SP2: variants seen among roughly 807,000 people sequenced by gnomAD.
The protein encoded by SP2 is Sp2 transcription factor.
SP2 carries 9 observed loss-of-function variants against 50.1 expected under a neutral mutation model. That is an observed-to-expected ratio of 0.18 (90% CI 0.11 to 0.31). SP2 has a LOEUF of 0.31. SP2 is among the 10% of genes least tolerant of loss of function. The pLI is 1.00. For missense variants in SP2, 581 were observed against 806.5 expected (o/e 0.72, Z 3.39); for synonymous variants, 313 against 326.6 (o/e 0.96, Z 0.45).
intron 1 of SP2, chr17:47,909,730 G>A (rs2034906115): frequency 1.0e-6 from 1 of 978,900 alleles, no homozygotes; most frequent in Non-Finnish European, 1.2e-6. Context: ...ATCTCATTTA[G>A]GTATGGAGCC....
rs754352270 is a variant in SP2, at chr17:47,916,262, C to A, written c.191C>A (p.Pro64Gln). Residue 64 changes from proline to glutamine, a missense_variant, in exon 3 of 7, where the codon CCG becomes CAG. Physicochemically the swap from Pro to Gln is moderately conservative, Grantham distance 76 (BLOSUM62 -1). Coordinates refer to ENST00000376741, the MANE Select transcript of SP2 (RefSeq NM_003110.6). The surrounding 1 kb of genome is among the most constrained non-coding windows in gnomAD (Gnocchi z 4.7). ...CCTCCTGCTCCCCCACAGCCCACAC[C>A]GCGGAAACTTGTCCCTATCAAACCT... ...VTPPAPPQPT[P>Q]RKLVPIKPAP... 37 of 1,614,014 alleles carry A rather than the reference C, an allele frequency of 2.3e-5. No homozygotes were observed. The highest frequency in any genetic ancestry group is 3.1e-5 in the Non-Finnish European group (36 of 1,180,040).
At chr17:47,908,556 A>G (rs546209311) in intron 1 of SP2, 3 of 152,246 alleles carry the variant, frequency 2.0e-5, no homozygotes, top group African/African-American at 7.2e-5. Context: ...CCAGTGAATA[A>G]AAATCTTTTT....
intron 1 of SP2, among the ~76,000 whole-genome samples, chr17:47,902,151 G>A (rs2034568041): frequency 2.0e-5 from 3 of 152,086 alleles, no homozygotes; most frequent in Admixed American, 2.0e-4. Flanking sequence ...TCTATCTGGG[G>A]TGAGGGGAGG....
chr17:47,927,956 C>T lies in SP2; in HGVS notation c.*132C>T, dbSNP rs1055751090. On this transcript the variant is annotated 3_prime_UTR_variant, in exon 7 of 7. Transcript: ENST00000376741. Reference sequence around the variant, plus strand: ...CACTCCTGTTCTGCAACTGTCCCCACAGGAAGGGGCTCTGTTCCCTGTATT... The same window carrying T: ...CACTCCTGTTCTGCAACTGTCCCCATAGGAAGGGGCTCTGTTCCCTGTATT... 9 of 644,782 alleles carry T rather than the reference C, an allele frequency of 1.4e-5. No homozygotes were observed. The highest frequency in any genetic ancestry group is 2.3e-5 in the Non-Finnish European group (8 of 353,312). 39.9% of individuals were successfully genotyped at this position (644,782 alleles called of 1,614,324 possible). A position where few individuals can be genotyped will look rare whatever the true frequency, so the allele number is the denominator to read the frequency against.
In SP2 at chr17:47,915,360, A is replaced by T; in HGVS notation, c.56A>T (p.Tyr19Phe). 1.2e-6 allele frequency: 2 copies of T among 1,613,476 alleles called. No homozygotes were observed. Among genetic ancestry groups the T allele is most frequent in the Non-Finnish European group, 1.7e-6 (2 of 1,179,684 alleles). The change falls in exon 2 of 7, where the codon TAC becomes TTC. Residue 19 changes from tyrosine (Y) to phenylalanine (F), a missense_variant. This residue lies in a region of SP2 where 397 missense variants were observed against 491.0 expected (regional missense o/e 0.81). Coordinates refer to ENST00000376741, the MANE Select transcript of SP2 (RefSeq NM_003110.6). ...ACTGCTGCTGTGAGTCCCAGTGACTACCTGCAGCCTGCCGCCTCCACCACC... is the reference window on the plus strand; with the variant it reads ...ACTGCTGCTGTGAGTCCCAGTGACTTCCTGCAGCCTGCCGCCTCCACCACC... ...AATAAVSPSD[Y>F]LQPAASTTQD... is the part of the protein sequence containing the mutation.
intron 1 of SP2, among the ~76,000 whole-genome samples, 184 bp from the exon 2 acceptor site, chr17:47,915,128 G>A (rs1204666154): frequency 1.3e-5 from 2 of 151,776 alleles, no homozygotes; most frequent in Admixed American, 1.3e-4. Context: ...CAGGAGAATT[G>A]CTTGAACTTG....
chr17:47,916,731 G>A lies in SP2; in HGVS notation c.660G>A (p.Val220=), dbSNP rs2035220791. 2 of 1,612,932 alleles carry A rather than the reference G, an allele frequency of 1.2e-6. No individual in the cohort carries two copies. Among genetic ancestry groups the A allele is most frequent in the South Asian group, 2.2e-5 (2 of 91,012 alleles). ...TCACTCTGCCCGTCAACAACCTTGTGAACGCCAGTGACACCGGGGCCCCTA... is the reference window on the plus strand; with the variant it reads ...TCACTCTGCCCGTCAACAACCTTGTAAACGCCAGTGACACCGGGGCCCCTA... ...VTLTLPVNNL[V]NASDTGAPTQ... The change falls in exon 3 of 7, where the codon GTG becomes GTA. Residue 220 remains valine, a synonymous_variant. Coordinates refer to ENST00000376741, the MANE Select transcript of SP2 (RefSeq NM_003110.6). The surrounding 1 kb of genome is among the most constrained non-coding windows in gnomAD (Gnocchi z 4.7).
intron 1 of SP2, among the ~76,000 whole-genome samples, chr17:47,902,014 G>A (rs1567687644): frequency 6.6e-6 from 1 of 152,104 alleles, no homozygotes; most frequent in Non-Finnish European, 1.5e-5. Context: ...AAGTGCTAAG[G>A]AGGCAAAATG....
intron 1 of SP2, among the ~76,000 whole-genome samples, chr17:47,896,503 G>A (rs1388699421): frequency 6.6e-6 from 1 of 152,046 alleles, no homozygotes; most frequent in Admixed American, 6.5e-5. Flanking sequence ...ACCCGGAAGG[G>A]GGCGTTCGAC....
rs2034392809 is a variant in SP2 at position 47,897,626 on chromosome 17, T to C, written c.7+1333T>C. Among the ~76,000 whole-genome samples, 4 of 152,328 alleles carry C rather than the reference T, an allele frequency of 2.6e-5. No individual in the cohort carries two copies. The South Asian group carries it at 8.3e-4, about 32-fold the overall frequency. On this transcript the variant is annotated intron_variant, in intron 1 of 6. Transcript: ENST00000376741. Reference sequence around the variant, plus strand: ...GTGGAGGGCTGTATTGAGTTGGTATTCTGGATGATACAATTTTTAGGGCTA... The same window carrying C: ...GTGGAGGGCTGTATTGAGTTGGTATCCTGGATGATACAATTTTTAGGGCTA...
intron 6 of SP2, among the ~76,000 whole-genome samples, chr17:47,925,904 C>CATTTTT (rs1567704810): frequency 6.2e-4 from 74 of 119,450 alleles, no homozygotes; most frequent in African/African-American, 2.1e-3. Context: ...TTTGTTTATG[C>CATTTTT]CTTTTTTTTT....
chr17:47,896,474 T>A (rs2034335940), intron 1 of SP2, 181 bp downstream of exon 1: 3 of 487,472 alleles, frequency 6.2e-6, no homozygotes, highest in Non-Finnish European at 9.7e-6. Context: ...GGAGCGGGGC[T>A]GGCCAGCCGG....
rs1373182565 is a variant in SP2 at position 47,916,342 on chromosome 17, G to A, written c.271G>A (p.Gly91Arg). Residue 91 changes from glycine to arginine, a missense_variant, in exon 3 of 7, where the codon GGA becomes AGA. This residue lies in a region of SP2 where 397 missense variants were observed against 491.0 expected (regional missense o/e 0.81). Transcript: ENST00000376741. The surrounding 1 kb of genome is among the most constrained non-coding windows in gnomAD (Gnocchi z 4.7). Reference sequence around the variant, plus strand: ...TAGCTTTGGAATCTTGTCCTCCAAAGGAAATATACTTCAGATTCAGGGGTC... The same window carrying A: ...TAGCTTTGGAATCTTGTCCTCCAAAAGAAATATACTTCAGATTCAGGGGTC... Reference protein sequence around the residue: ...KNSFGILSSKGNILQIQGSQL... With the variant: ...KNSFGILSSKRNILQIQGSQL... 2.5e-6 allele frequency: 4 copies of A among 1,613,988 alleles called. No individual in the cohort carries two copies. The African/African-American group carries it at 4.0e-5, about 16-fold the overall frequency.
Position 47,924,989 on chromosome 17 carries a change from G to C in SP2, c.1443G>C (p.Gln481His), listed in dbSNP as rs770325121. 2 of 1,614,190 alleles carry C rather than the reference G, an allele frequency of 1.2e-6. No homozygotes were observed. Among genetic ancestry groups the C allele is most frequent in the East Asian group, 4.5e-5 (2 of 44,886 alleles). The change falls in exon 5 of 7, where the codon CAG (glutamine) becomes CAC (histidine). Residue 481 changes from glutamine to histidine, a missense_variant. This residue lies in a region of SP2 where 184 missense variants were observed against 315.5 expected (regional missense o/e 0.58). Transcript: ENST00000376741. ...NLTISGLSPT[Q>H]IQLQMEQALA... Reference sequence around the variant, plus strand: ...CCATCAGTGGGCTGAGCCCCACCCAGATCCAGCTGCAAATGGAACAAGCCC... The same window carrying C: ...CCATCAGTGGGCTGAGCCCCACCCACATCCAGCTGCAAATGGAACAAGCCC...
rs924530809 is a variant in SP2, at chr17:47,928,913, T to C, written c.*1089T>C. ...TTGGTCAGCACTGGGCTGACAAAAATTTTTTCTTGCTAATAAATTTAGTTG... is the reference window on the plus strand; with the variant it reads ...TTGGTCAGCACTGGGCTGACAAAAACTTTTTCTTGCTAATAAATTTAGTTG... On this transcript the variant is annotated 3_prime_UTR_variant, in exon 7 of 7. Transcript: ENST00000376741. 3 of 152,766 alleles carry C rather than the reference T, an allele frequency of 2.0e-5. No homozygotes were observed. The highest frequency in any genetic ancestry group is 4.1e-4 in the South Asian group (2 of 4,826). The allele number at this position is 152,766 out of a possible 1,614,324, so 9.5% of individuals were successfully genotyped here.
At chr17:47,919,230 C>A (rs892367483) in intron 3 of SP2, among the ~76,000 whole-genome samples, 1 of 152,000 alleles carries the variant, frequency 6.6e-6, no homozygotes, top group Non-Finnish European at 1.5e-5. Context: ...GGCAAGATAG[C>A]AAGACCCCAT....
chr17:47,901,813 T>C (rs749570008), intron 1 of SP2, among the ~76,000 whole-genome samples: 3 of 152,162 alleles, frequency 2.0e-5, no homozygotes, highest in Non-Finnish European at 4.4e-5. Flanking sequence ...AAACTCGCTT[T>C]AGGCCCTCCT....
At position 47,927,838 on chromosome 17, in the gene SP2, G is replaced by T. The variant is rs748063765; in HGVS notation, c.*14G>T. Reference sequence around the variant, plus strand: ...AAGAACTTGTAAGGCCAACTGCGGCGGGAGGCCCTGAAGATGCAGTCCCCC... The same window carrying T: ...AAGAACTTGTAAGGCCAACTGCGGCTGGAGGCCCTGAAGATGCAGTCCCCC... On this transcript the variant is annotated 3_prime_UTR_variant, in exon 7 of 7. Transcript: ENST00000376741. The T allele has an allele frequency of 2.7e-6, 4 of 1,497,250 alleles. No homozygotes were observed. In the African/African-American group the frequency reaches 4.1e-5, roughly 15 times the overall value. 92.7% of individuals were successfully genotyped at this position (1,497,250 alleles called of 1,614,324 possible).
At position 47,928,031 on chromosome 17, in the gene SP2, C is replaced by T. The variant is rs938210408; in HGVS notation, c.*207C>T. 8 of 550,198 alleles carry T rather than the reference C, an allele frequency of 1.5e-5. No homozygotes were observed. Among genetic ancestry groups the T allele is most frequent in the African/African-American group, 5.7e-5 (3 of 52,620 alleles). The allele number at this position is 550,198 out of a possible 1,614,324, so 34.1% of individuals were successfully genotyped here. ...TCTGCCTTGGCCCTTCCCCTCACCACGAGCTCCCGGCCTGCCCAGACTGTG... is the reference window on the plus strand; with the variant it reads ...TCTGCCTTGGCCCTTCCCCTCACCATGAGCTCCCGGCCTGCCCAGACTGTG... On this transcript the variant is annotated 3_prime_UTR_variant, in exon 7 of 7. Coordinates refer to ENST00000376741, the MANE Select transcript of SP2 (RefSeq NM_003110.6).
Sources: gnomAD v4.1 joint callset for allele counts (sites outside exome capture counted in the v4.1 genomes callset) on GRCh38, gnomAD v4.1.1 for gene constraint, gnomAD v4.1.1 regional missense constraint, Gnocchi (gnomAD v3.1) non-coding constraint, MANE v1.5 for transcripts, NCBI Gene and HGNC (gene_info 2026-07-23, HGNC 2026-07-21) for gene names.